Variants in CTNND2 observed in about 807,000 individuals in gnomAD.
CTNND2 encodes catenin delta 2.
Under a neutral mutation model 144.4 loss-of-function variants are expected in CTNND2, and 22 were observed. The ratio of observed to expected loss-of-function variants is 0.15; its 90% CI spans 0.11 to 0.22. The LOEUF (loss-of-function observed/expected upper bound fraction) is 0.22. CTNND2 is among the 10% of genes least tolerant of loss of function. The pLI is 1.00. For missense variants in CTNND2, 1,353 were observed against 1,618.8 expected (o/e 0.84, Z 2.82); for synonymous variants, 751 against 695.6 (o/e 1.08, Z -1.25).
chr5:11,611,638 C>T (rs939811994), intron 2 of CTNND2, among the ~76,000 whole-genome samples: 9 of 152,142 alleles, frequency 5.9e-5, no homozygotes, highest in African/African-American at 2.2e-4. Context: ...ATTAGCCAGG[C>T]ATGGTGGCAT....
At chr5:11,744,476 G>C (rs1581811140) in intron 1 of CTNND2, among the ~76,000 whole-genome samples, 1 of 152,258 alleles carries the variant, frequency 6.6e-6, no homozygotes, top group East Asian at 1.9e-4. Flanking sequence ...GAGATGGAGT[G>C]ATTGACAGTG....
intron 8 of CTNND2, among the ~76,000 whole-genome samples, chr5:11,360,062 C>A (rs902416148): frequency 6.6e-6 from 1 of 152,092 alleles, no homozygotes; most frequent in Admixed American, 6.5e-5. Flanking sequence ...CCTGGAGGAC[C>A]TGTTTGATTA....
chr5:11,805,083 T>C (rs930966517), intron 1 of CTNND2, among the ~76,000 whole-genome samples: 2 of 152,188 alleles, frequency 1.3e-5, no homozygotes, highest in Non-Finnish European at 2.9e-5. Context: ...GCTATACTTC[T>C]CTACTGTCAC....
At chr5:11,902,674 C>T (rs1316975285) in intron 1 of CTNND2, among the ~76,000 whole-genome samples, 1 of 152,152 alleles carries the variant, frequency 6.6e-6, no homozygotes, top group Non-Finnish European at 1.5e-5. Flanking sequence ...TGACAACATT[C>T]TCTGTTTTCT....
intron 2 of CTNND2, among the ~76,000 whole-genome samples, chr5:11,594,392 T>C (rs1779406375): frequency 6.6e-6 from 1 of 152,218 alleles, no homozygotes; most frequent in African/African-American, 2.4e-5. Flanking sequence ...AGGTTCTAAA[T>C]TATTTTAAAT....
At chr5:11,125,148 G>C (rs966746147) in intron 12 of CTNND2, among the ~76,000 whole-genome samples, 1 of 152,186 alleles carries the variant, frequency 6.6e-6, no homozygotes, top group Non-Finnish European at 1.5e-5. Flanking sequence ...GGGGAAGGAA[G>C]GGGTGTCTTC....
chr5:11,308,959 A>G (rs1453938751), intron 9 of CTNND2, among the ~76,000 whole-genome samples: 1 of 152,196 alleles, frequency 6.6e-6, no homozygotes, highest in Non-Finnish European at 1.5e-5. Context: ...GGCAAAGGGG[A>G]ACGTGGCACA....
chr5:11,355,320 A>G (rs1755748557), intron 8 of CTNND2, among the ~76,000 whole-genome samples: 1 of 152,150 alleles, frequency 6.6e-6, no homozygotes, highest in African/African-American at 2.4e-5. Context: ...ACTATGATCA[A>G]ATAGGATTCA....
At chr5:11,674,778 C>A (rs1450211889) in intron 2 of CTNND2, among the ~76,000 whole-genome samples, 2 of 151,926 alleles carry the variant, frequency 1.3e-5, no homozygotes, top group Non-Finnish European at 2.9e-5. Flanking sequence ...CAGGCTGGAG[C>A]GCAGTGGTGC....
At chr5:11,684,823 C>T (rs771941004) in intron 2 of CTNND2, among the ~76,000 whole-genome samples, 2 of 152,222 alleles carry the variant, frequency 1.3e-5, no homozygotes, top group Non-Finnish European at 2.9e-5. Flanking sequence ...AAATCAGCTC[C>T]TTCTTCAACT....
At chr5:11,751,903 A>G (rs1025038585) in intron 1 of CTNND2, among the ~76,000 whole-genome samples, 1 of 151,770 alleles carries the variant, frequency 6.6e-6, no homozygotes, top group East Asian at 1.9e-4. Flanking sequence ...AATAACAGCC[A>G]TTCAGACAGG....
At chr5:11,537,146 A>T (rs991699639) in intron 3 of CTNND2, among the ~76,000 whole-genome samples, 4 of 151,934 alleles carry the variant, frequency 2.6e-5, no homozygotes, top group African/African-American at 9.7e-5. Context: ...CAAGCAGAAG[A>T]TACTATTGAC....
chr5:11,029,980 A>G (rs1296301342), intron 16 of CTNND2, among the ~76,000 whole-genome samples: 1 of 152,098 alleles, frequency 6.6e-6, no homozygotes, highest in Non-Finnish European at 1.5e-5. Flanking sequence ...TCTGTTTATC[A>G]GGGAATGTCT....
intron 2 of CTNND2, among the ~76,000 whole-genome samples, chr5:11,648,537 C>T (rs1453370476): frequency 6.6e-6 from 1 of 152,146 alleles, no homozygotes; most frequent in Non-Finnish European, 1.5e-5. Context: ...TATTTTTCCC[C>T]CAAATTAATT....
rs1354342251 is a variant in CTNND2 at position 11,199,364 on chromosome 5, A to T, written c.1975+84T>A. On this transcript the variant is annotated intron_variant, in intron 11 of 21. Coordinates refer to ENST00000304623, the MANE Select transcript of CTNND2 (RefSeq NM_001332.4). Reference sequence around the variant, plus strand: ...ATGTTATTAGAACACCACAATATTTATTTGATTAGTACATTTGCCTCTGTG... The same window carrying T: ...ATGTTATTAGAACACCACAATATTTTTTTGATTAGTACATTTGCCTCTGTG... 13 of 1,217,464 alleles carry T rather than the reference A, an allele frequency of 1.1e-5. 1 individual carries two copies. Among genetic ancestry groups the T allele is most frequent in the Non-Finnish European group, 1.3e-5 (11 of 841,488 alleles). The allele number at this position is 1,217,464 out of a possible 1,614,324, so 75.4% of individuals were successfully genotyped here.
chr5:11,382,879 C>T (rs1423509180), intron 7 of CTNND2, among the ~76,000 whole-genome samples: 1 of 152,120 alleles, frequency 6.6e-6, no homozygotes, highest in Non-Finnish European at 1.5e-5. Flanking sequence ...TTCCTAATCT[C>T]TCAGAAGCAT....
Position 11,188,805 on chromosome 5 carries a change from A to G in CTNND2, c.1975+10643T>C, listed in dbSNP as rs1580534466. Among the ~76,000 whole-genome samples, 3 of 152,072 alleles carry G rather than the reference A, an allele frequency of 2.0e-5. No homozygotes were observed. In the South Asian group the frequency reaches 6.2e-4, roughly 32 times the overall value. On this transcript the variant is annotated intron_variant, in intron 11 of 21. Coordinates refer to ENST00000304623, the MANE Select transcript of CTNND2 (RefSeq NM_001332.4). ...GGATACAGCTGCGTTATCACCTTGG[A>G]ACACTTAACTCCAGATTTCACGTAT...
intron 2 of CTNND2, among the ~76,000 whole-genome samples, chr5:11,623,692 G>C (rs1780975894): frequency 6.6e-6 from 1 of 150,468 alleles, no homozygotes; most frequent in East Asian, 2.0e-4. Flanking sequence ...TTTAATTTCA[G>C]ACAAAACAGA....
At chr5:11,017,101 A>T (rs1182126924) in intron 18 of CTNND2, among the ~76,000 whole-genome samples, 1 of 151,768 alleles carries the variant, frequency 6.6e-6, no homozygotes, top group Non-Finnish European at 1.5e-5. Flanking sequence ...GTTAACTCGA[A>T]TTTAAACTCC....
Sources: gnomAD v4.1 joint callset for allele counts (sites outside exome capture counted in the v4.1 genomes callset) on GRCh38, gnomAD v4.1.1 for gene constraint, MANE v1.5 for transcripts, NCBI Gene and HGNC (gene_info 2026-07-23, HGNC 2026-07-21) for gene names.